The following GRIK5 variants were observed in gnomAD, a reference collection of about 807,000 sequenced individuals.
GRIK5 encodes the protein glutamate receptor ionotropic, kainate 5.
In GRIK5, 43 loss-of-function variants were observed where a neutral mutation model predicts 97.4. The observed-to-expected ratio is 0.44, with a 90% CI of 0.35 to 0.57. The LOEUF is 0.57. GRIK5 is among the 20% of genes least tolerant of loss of function. The pLI, the probability that GRIK5 is intolerant of heterozygous loss-of-function variation, is 0.01. For synonymous variants in GRIK5, 580 were observed against 583.5 expected (o/e 0.99, Z 0.09); for missense variants, 1,015 against 1,382.0 (o/e 0.73, Z 4.21).
Position 42,022,740 on chromosome 19 carries a change from C to T in GRIK5, c.1474-386G>A, listed in dbSNP as rs1047120399. 21 of 822,694 alleles carry T rather than the reference C, an allele frequency of 2.6e-5. No homozygotes were observed. Among genetic ancestry groups the T allele is most frequent in the Non-Finnish European group, 2.8e-5 (19 of 681,806 alleles). The allele number at this position is 822,694 out of a possible 1,614,324, so 51.0% of individuals were successfully genotyped here. A position where few individuals can be genotyped will look rare whatever the true frequency, so the allele number is the denominator to read the frequency against. ...GACAGCACTCGAGATAATACAGGCC[C>T]GGACAGAACACAGAGCAGGGAGAGA... On this transcript the variant is annotated intron_variant, in intron 12 of 19. Transcript: ENST00000593562. This position sits in a 1 kb window ranked among gnomAD's most constrained non-coding sequence, Gnocchi z 4.2.
chr19:42,067,758 G>A (rs190761433), intron 1 of GRIK5, among the ~76,000 whole-genome samples: 5 of 152,294 alleles, frequency 3.3e-5, no homozygotes, highest in African/African-American at 4.8e-5. Context: ...AGCCCAAGAC[G>A]TAGGAACTGA....
At position 42,056,722 on chromosome 19, in the gene GRIK5, G is replaced by A. The variant is rs2076190989; in HGVS notation, c.843C>T (p.Val281=). Residue 281 remains valine, a synonymous_variant, in exon 8 of 20, where the codon GTC becomes GTT. Coordinates refer to ENST00000593562, the MANE Select transcript of GRIK5 (RefSeq NM_002088.5). ...NTSHPFYPEF[V]RSLNMSWREN... Reference sequence around the variant, plus strand: ...CCCTCCAGGACATGTTGAGGCTGCGGACAAACTCAGGGTAGAAGGGGTGGG... The same window carrying A: ...CCCTCCAGGACATGTTGAGGCTGCGAACAAACTCAGGGTAGAAGGGGTGGG... The A allele has an allele frequency of 6.2e-7, 1 of 1,613,984 alleles. No homozygotes were observed.
At position 42,056,712 on chromosome 19, in the gene GRIK5, T is replaced by A; in HGVS notation, c.853A>T (p.Asn285Tyr). 6.2e-7 allele frequency: 1 copy of A among 1,614,108 alleles called. No individual in the cohort carries two copies. The highest frequency in any genetic ancestry group is 8.5e-7 in the Non-Finnish European group (1 of 1,179,964). ...TCACAGTTCTCCCTCCAGGACATGTTGAGGCTGCGGACAAACTCAGGGTAG... is the reference window on the plus strand; with the variant it reads ...TCACAGTTCTCCCTCCAGGACATGTAGAGGCTGCGGACAAACTCAGGGTAG... Reference protein sequence around the residue: ...PFYPEFVRSLNMSWRENCEAS... With the variant: ...PFYPEFVRSLYMSWRENCEAS... The change falls in exon 8 of 20, where the codon AAC becomes TAC. Residue 285 changes from asparagine to tyrosine, a missense_variant. By Grantham distance (143) the Asn-to-Tyr change is moderately radical. This residue lies in a region of GRIK5 where 477 missense variants were observed against 701.1 expected (regional missense o/e 0.68). Coordinates refer to ENST00000593562, the MANE Select transcript of GRIK5 (RefSeq NM_002088.5).
intron 8 of GRIK5, among the ~76,000 whole-genome samples, chr19:42,055,150 C>T (rs906903430): frequency 2.0e-5 from 3 of 152,206 alleles, no homozygotes; most frequent in African/African-American, 7.2e-5. Context: ...ACACAGTTAG[C>T]GTCCCATACA....
intron 12 of GRIK5, among the ~76,000 whole-genome samples, chr19:42,036,892 T>C (rs2075912871): frequency 6.6e-6 from 1 of 152,184 alleles, no homozygotes; most frequent in African/African-American, 2.4e-5. Context: ...TGTGCTGATC[T>C]CATCTGTCCC....
intron 15 of GRIK5, among the ~76,000 whole-genome samples, chr19:42,020,919 T>A (rs1338358215): frequency 1.3e-5 from 2 of 152,186 alleles, no homozygotes; most frequent in Non-Finnish European, 2.9e-5. Flanking sequence ...AGAGTCTTGC[T>A]CTGTTGCCCA....
chr19:42,009,527 G>T (rs1239665081), intron 15 of GRIK5, among the ~76,000 whole-genome samples: 1 of 151,958 alleles, frequency 6.6e-6, no homozygotes, highest in Non-Finnish European at 1.5e-5. Context: ...CAGCACTTTG[G>T]GAGGCCAAGG....
At chr19:42,040,995 C>A (rs995229505) in intron 12 of GRIK5, among the ~76,000 whole-genome samples, 1 of 152,176 alleles carries the variant, frequency 6.6e-6, no homozygotes, top group Non-Finnish European at 1.5e-5. Context: ...TTGGGACCTG[C>A]CTGTGGGGTG....
chr19:42,035,663 T>C (rs1280151053), intron 12 of GRIK5, among the ~76,000 whole-genome samples: 1 of 152,110 alleles, frequency 6.6e-6, no homozygotes, highest in Non-Finnish European at 1.5e-5. Flanking sequence ...TGAGCCAAGA[T>C]CGTGCCACTG....
In GRIK5 at chr19:42,065,384, G is replaced by T; in HGVS notation, c.83C>A (p.Ala28Glu). The T allele has an allele frequency of 6.3e-7, 1 of 1,581,898 alleles. No individual in the cohort carries two copies. The change falls in exon 3 of 20, where the codon GCA becomes GAA. Residue 28 changes from alanine to glutamate, a missense_variant. This residue lies in a region of GRIK5 where 198 missense variants were observed against 218.2 expected (regional missense o/e 0.91). Coordinates refer to ENST00000593562, the MANE Select transcript of GRIK5 (RefSeq NM_002088.5). The surrounding 1 kb of genome is among the most constrained non-coding windows in gnomAD (Gnocchi z 5.8). Reference protein sequence around the residue: ...CQVLSSLRMAAILDDQTVCGR... With the variant: ...CQVLSSLRMAEILDDQTVCGR... Reference sequence around the variant, plus strand: ...ACACACTGTCTGATCATCCAGGATTGCAGCTGAGGGGACACATGGGTTGGG... The same window carrying T: ...ACACACTGTCTGATCATCCAGGATTTCAGCTGAGGGGACACATGGGTTGGG...
In GRIK5 at chr19:42,062,784, C is replaced by A. The variant is rs145589136; in HGVS notation, c.316G>T (p.Val106Leu). ...PSSSPASAST[V>L]SHICGEKEIP... The stretch of plus-strand genomic sequence containing the variant: ...TCCTTCTCTCCACAGATATGGCTCA[C>A]GGTGGAGGCAGATGCTGGGCTAGAG... The change falls in exon 4 of 20, where the codon GTG becomes TTG. Residue 106 changes from valine (V) to leucine (L), a missense_variant. Physicochemically the swap from Val to Leu is conservative, Grantham distance 32. This residue lies in a region of GRIK5 where 198 missense variants were observed against 218.2 expected (regional missense o/e 0.91). Coordinates refer to ENST00000593562, the MANE Select transcript of GRIK5 (RefSeq NM_002088.5). The surrounding 1 kb of genome is among the most constrained non-coding windows in gnomAD (Gnocchi z 5.3). 18 of 1,613,758 alleles carry A rather than the reference C, an allele frequency of 1.1e-5. No homozygotes were observed. The highest frequency in any genetic ancestry group is 1.4e-5 in the Non-Finnish European group (17 of 1,179,762).
chr19:42,062,480 T>G lies in GRIK5; in HGVS notation c.508+8A>C. 1 of 1,613,824 alleles carries G rather than the reference T, an allele frequency of 6.2e-7. No homozygotes were observed. Among genetic ancestry groups the G allele is most frequent in the Non-Finnish European group, 8.5e-7 (1 of 1,179,860 alleles). ...GAACAGAAAACAAAACATTCAGTTCTCCCTCACACTCAGCCTTGGCGCAGA... is the reference window on the plus strand; with the variant it reads ...GAACAGAAAACAAAACATTCAGTTCGCCCTCACACTCAGCCTTGGCGCAGA... On this transcript the variant is annotated splice_region_variant and intron_variant, in intron 5 of 19. Coordinates refer to ENST00000593562, the MANE Select transcript of GRIK5 (RefSeq NM_002088.5). This position sits in a 1 kb window ranked among gnomAD's most constrained non-coding sequence, Gnocchi z 5.3.
chr19:42,038,748 T>C (rs2075940421), intron 12 of GRIK5, among the ~76,000 whole-genome samples: 1 of 152,254 alleles, frequency 6.6e-6, no homozygotes, highest in Non-Finnish European at 1.5e-5. Context: ...ATGAAAATTA[T>C]GTTAAGTAAC....
At position 42,006,215 on chromosome 19, in the gene GRIK5, G is replaced by A. The variant is rs117425008; in HGVS notation, c.2038-267C>T. ...CCTCCTTCCCCTTAACCCTCCAGCC[G>A]GTGGCCGCTGCCCAACTCAGGCCTC... On this transcript the variant is annotated intron_variant, in intron 16 of 19. Coordinates refer to ENST00000593562, the MANE Select transcript of GRIK5 (RefSeq NM_002088.5). The surrounding 1 kb of genome is among the most constrained non-coding windows in gnomAD (Gnocchi z 5.3). 1.6e-3 allele frequency among the ~76,000 whole-genome samples: 242 copies of A among 152,162 alleles called. 2 individuals are homozygous for A. The Middle Eastern group carries it at 0.017, about 11-fold the overall frequency.
At position 41,999,613 on chromosome 19, in the gene GRIK5, C is replaced by T. The variant is rs2075408632; in HGVS notation, c.2515-314G>A. Among the ~76,000 whole-genome samples the T allele has an allele frequency of 6.6e-6, 1 of 152,218 alleles. No homozygotes were observed. The highest frequency in any genetic ancestry group is 1.5e-5 in the Non-Finnish European group (1 of 68,034). On this transcript the variant is annotated intron_variant, in intron 19 of 19. Coordinates refer to ENST00000593562, the MANE Select transcript of GRIK5 (RefSeq NM_002088.5). This position sits in a 1 kb window ranked among gnomAD's most constrained non-coding sequence, Gnocchi z 5.0. ...TCTAAATTTTCTCCAGTTCTTCCTT[C>T]CTGATTTCCCATCTTCTGCCCCTCA... is the stretch of plus-strand genomic sequence containing the variant.
At chr19:42,024,029 T>C (rs944403552) in intron 12 of GRIK5, among the ~76,000 whole-genome samples, 1 of 152,154 alleles carries the variant, frequency 6.6e-6, no homozygotes, top group Non-Finnish European at 1.5e-5. Flanking sequence ...CCAGCCATGA[T>C]GGCCCGTTCT....
At chr19:42,050,793 G>A (rs934677228) in intron 11 of GRIK5, among the ~76,000 whole-genome samples, 3 of 151,150 alleles carry the variant, frequency 2.0e-5, no homozygotes, top group Non-Finnish European at 3.0e-5. Context: ...TTCTTCATCC[G>A]AAAATCAGGG....
At chr19:42,051,051 G>C (rs1217185636) in intron 11 of GRIK5, among the ~76,000 whole-genome samples, 2 of 152,196 alleles carry the variant, frequency 1.3e-5, no homozygotes, top group East Asian at 3.8e-4. Context: ...GAATGGGACT[G>C]AGGTCCCTCT....
intron 12 of GRIK5, among the ~76,000 whole-genome samples, chr19:42,035,811 AGTG>A: frequency 6.6e-6 from 1 of 152,206 alleles, no homozygotes; most frequent in Non-Finnish European, 1.5e-5. Flanking sequence ...ATGTATATCC[AGTG>A]TTTCTGCTAT....
Sources: allele counts gnomAD v4.1 joint callset (sites outside exome capture counted in the v4.1 genomes callset), GRCh38; gene constraint gnomAD v4.1.1; regional missense constraint gnomAD v4.1.1; non-coding constraint Gnocchi (gnomAD v3.1); transcripts MANE v1.5; gene names NCBI Gene and HGNC (gene_info 2026-07-23, HGNC 2026-07-21).